Variants in LYAR observed in about 807,000 individuals in gnomAD.
LYAR encodes Ly1 antibody reactive, also known as cell growth-regulating nucleolar protein.
In LYAR, 37 loss-of-function variants were observed where a neutral mutation model predicts 45.2. The observed-to-expected ratio is 0.82, with a 90% CI of 0.63 to 1.08. The LOEUF (loss-of-function observed/expected upper bound fraction) is 1.08, where lower values mean the gene tolerates loss of function less well. LYAR is among the 50% of genes least tolerant of loss of function. The pLI is 0.00. For synonymous variants in LYAR, 176 were observed against 155.1 expected, an observed-to-expected ratio of 1.14 and a Z score of -1.00; for missense variants, 493 against 451.0, an observed-to-expected ratio of 1.09 and a Z score of -0.84.
At chr4:4,279,349 A>G in intron 6 of LYAR, 98 bp downstream of exon 6, 2 of 833,362 alleles carry the variant, frequency 2.4e-6, no homozygotes, top group South Asian at 3.4e-5. Flanking sequence ...TAAAAATAAA[A>G]AAGAAGGCTG....
intron 4 of LYAR, 43 bp from the exon 5 acceptor site, chr4:4,279,792 C>A: frequency 1.6e-6 from 2 of 1,287,864 alleles, no homozygotes; most frequent in South Asian, 1.3e-5. Flanking sequence ...AATAAACAAC[C>A]AACATGAGTT....
chr4:4,273,326 T>G (rs977683667), intron 8 of LYAR, among the ~76,000 whole-genome samples: 7 of 152,342 alleles, frequency 4.6e-5, no homozygotes, highest in Non-Finnish European at 4.4e-5. Context: ...AAGACCCTAC[T>G]AGAAGTGCCC....
chr4:4,280,385 G>A (rs1405608644), intron 4 of LYAR, among the ~76,000 whole-genome samples: 3 of 152,144 alleles, frequency 2.0e-5, no homozygotes, highest in Non-Finnish European at 4.4e-5. Context: ...AAAATCCAAT[G>A]TGTGTGTATA....
chr4:4,276,148 C>T lies in LYAR; in HGVS notation c.430-1379G>A, dbSNP rs1448797512. On this transcript the variant is annotated intron_variant, in intron 6 of 9. Transcript: ENST00000343470. The stretch of plus-strand genomic sequence containing the variant: ...TTGAACTGTTCCATGTTCCCTGATG[C>T]CTCTGGAGGGAAAGAGAGTGGCCAG... 1.3e-5 allele frequency among the ~76,000 whole-genome samples: 2 copies of T among 152,150 alleles called. 1 individual carries two copies. The highest frequency in any genetic ancestry group is 3.8e-4 in the East Asian group (2 of 5,200).
At chr4:4,268,355 T>C (rs1718794784) in intron 9 of LYAR, among the ~76,000 whole-genome samples, 175 bp downstream of exon 9, 1 of 152,116 alleles carries the variant, frequency 6.6e-6, no homozygotes, top group Non-Finnish European at 1.5e-5. Context: ...AAGCCCAAAA[T>C]CTAGGCACCA....
At chr4:4,283,924 T>A in intron 2 of LYAR, 129 bp from the exon 3 acceptor site, 1 of 539,028 alleles carries the variant, frequency 1.9e-6, no homozygotes, top group Admixed American at 3.3e-5. Context: ...GCAATCTACA[T>A]AAAATTCCAC....
At position 4,274,401 on chromosome 4, in the gene LYAR, C is replaced by G. The variant is rs765031975; in HGVS notation, c.798G>C (p.Val266=). 6.2e-7 allele frequency: 1 copy of G among 1,613,532 alleles called. No homozygotes were observed. The highest frequency in any genetic ancestry group is 1.1e-5 in the South Asian group (1 of 91,020). The change falls in exon 7 of 10, where the codon GTG becomes GTC. Residue 266 remains valine (V), a synonymous_variant. Coordinates refer to ENST00000343470, the MANE Select transcript of LYAR (RefSeq NM_017816.3). ...KDSASEEEAR[V]GAGKRKRRHS... ...GCCTCCGCTTCCTCTTCCCTGCGCC[C>G]ACGCGTGCCTCTTCCTCACTGGCGC...
rs1215627644 is a variant in LYAR, at chr4:4,283,801, GA to G, written c.-53-7del. Reference sequence around the variant, plus strand: ...GACAGGTTTTAAGTCTTGTCCTAAGGAAAAAAAGACAATTATAATTATAAAC... The same window carrying G: ...GACAGGTTTTAAGTCTTGTCCTAAGGAAAAAAGACAATTATAATTATAAAC... On this transcript the variant is annotated splice_region_variant and splice_polypyrimidine_tract_variant and intron_variant, in intron 2 of 9. Transcript: ENST00000343470. The G allele has an allele frequency of 2.2e-6, 3 of 1,353,772 alleles. No homozygotes were observed. The highest frequency in any genetic ancestry group is 1.5e-5 in the African/African-American group (1 of 68,764). The allele number at this position is 1,353,772 out of a possible 1,614,324, so 83.9% of individuals were successfully genotyped here.
At chr4:4,287,423 G>A (rs555735492) in intron 1 of LYAR, among the ~76,000 whole-genome samples, 4 of 152,286 alleles carry the variant, frequency 2.6e-5, no homozygotes, top group East Asian at 1.9e-4. Context: ...CTGCGTCTTC[G>A]TCTGTCTGTA....
At chr4:4,289,714 C>A (rs1719780256) in intron 1 of LYAR, 1 of 152,302 alleles carries the variant, frequency 6.6e-6, no homozygotes, top group Admixed American at 6.5e-5. Flanking sequence ...TCTTTAGGGA[C>A]TGATCTCCCA....
At chr4:4,287,413 C>T (rs1719660238) in intron 1 of LYAR, among the ~76,000 whole-genome samples, 1 of 152,206 alleles carries the variant, frequency 6.6e-6, no homozygotes, top group African/African-American at 2.4e-5. Flanking sequence ...GTGCTCCTGG[C>T]TGCGTCTTCG....
chr4:4,274,965 C>T (rs1202031634), intron 6 of LYAR, among the ~76,000 whole-genome samples, 196 bp from the exon 7 acceptor site: 1 of 152,202 alleles, frequency 6.6e-6, no homozygotes. Flanking sequence ...CCACTTCCCC[C>T]AGTCCACACC....
intron 8 of LYAR, among the ~76,000 whole-genome samples, chr4:4,269,798 A>T (rs1048573171): frequency 5.3e-5 from 8 of 152,202 alleles, no homozygotes; most frequent in African/African-American, 1.4e-4. Context: ...TTTAACATAG[A>T]CCTGAAATTT....
rs114867507 is a variant in LYAR at position 4,277,370 on chromosome 4, G to A, written c.429+2077C>T. On this transcript the variant is annotated intron_variant, in intron 6 of 9. Coordinates refer to ENST00000343470, the MANE Select transcript of LYAR (RefSeq NM_017816.3). Reference sequence around the variant, plus strand: ...CATAAAATATTATTTTAACCACTGAGAGCCTGAGACCCTGGCATCCCTTCT... The same window carrying A: ...CATAAAATATTATTTTAACCACTGAAAGCCTGAGACCCTGGCATCCCTTCT... Among the ~76,000 whole-genome samples, 931 of 152,202 alleles carry A rather than the reference G, an allele frequency of 6.1e-3. 15 individuals are homozygous for A. The highest frequency in any genetic ancestry group is 0.021 in the African/African-American group (886 of 41,524).
rs1316814705 is a variant in LYAR, at chr4:4,274,518, C to T, written c.681G>A (p.Gln227=). 1.9e-6 allele frequency: 3 copies of T among 1,614,220 alleles called. No individual in the cohort carries two copies. The highest frequency in any genetic ancestry group is 2.5e-6 in the Non-Finnish European group (3 of 1,180,030). Residue 227 remains glutamine (Q), a synonymous_variant, in exon 7 of 10, where the codon CAG becomes CAA. Transcript: ENST00000343470. Reference sequence around the variant, plus strand: ...CCCCACCAGCCTCAAGGTCAGCCTCCTGTCCCTTTTTGCGCTTCTTAGGCT... The same window carrying T: ...CCCCACCAGCCTCAAGGTCAGCCTCTTGTCCCTTTTTGCGCTTCTTAGGCT... ...NQKPKKRKKG[Q]EADLEAGGEE...
rs1406022207 is a variant in LYAR, at chr4:4,281,780, T to C, written c.237+3A>G. 2 of 1,610,544 alleles carry C rather than the reference T, an allele frequency of 1.2e-6. No individual in the cohort carries two copies. Among genetic ancestry groups the C allele is most frequent in the South Asian group, 1.1e-5 (1 of 90,990 alleles). On this transcript the variant is annotated splice_donor_region_variant and intron_variant, in intron 4 of 9. Transcript: ENST00000343470. ...GCTACTCAATGAGTTAGAGAGACGTTACCTGAATCCACGCCTGCTGTTTGA... is the reference window on the plus strand; with the variant it reads ...GCTACTCAATGAGTTAGAGAGACGTCACCTGAATCCACGCCTGCTGTTTGA...
At position 4,279,468 on chromosome 4, in the gene LYAR, G is replaced by A. The variant is rs763209438; in HGVS notation, c.408C>T (p.Ile136=). The A allele has an allele frequency of 6.2e-7, 1 of 1,611,902 alleles. No homozygotes were observed. Among genetic ancestry groups the A allele is most frequent in the Non-Finnish European group, 8.5e-7 (1 of 1,178,216 alleles). ...TTACGCTGTTGGAAGCTTCAGAAAA[G>A]ATATTCCACACCTGGTCCAGAATGG... is the stretch of plus-strand genomic sequence containing the variant. ...NESILDQVWN[I]FSEASNSEPV... Residue 136 remains isoleucine, a synonymous_variant, in exon 6 of 10, where the codon ATC becomes ATT. Coordinates refer to ENST00000343470, the MANE Select transcript of LYAR (RefSeq NM_017816.3).
rs188774496 is a variant in LYAR, at chr4:4,270,069, C to T, written c.920-1454G>A. ...CCTCCGTCACAAAATTTTAAAACTT[C>T]GCTGGGTGTGGTGGTGTGTACTCGT... On this transcript the variant is annotated intron_variant, in intron 8 of 9. Transcript: ENST00000343470. Among the ~76,000 whole-genome samples the T allele has an allele frequency of 1.6e-3, 245 of 151,970 alleles. 1 individual carries two copies. Among genetic ancestry groups the T allele is most frequent in the African/African-American group, 5.5e-3 (226 of 41,454 alleles).
intron 2 of LYAR, among the ~76,000 whole-genome samples, chr4:4,285,639 A>G (rs965531469): frequency 2.0e-5 from 3 of 152,238 alleles, no homozygotes; most frequent in African/African-American, 4.8e-5. Context: ...TATCTGCTGA[A>G]AAACGTTAAA....
Sources: allele counts gnomAD v4.1 joint callset (sites outside exome capture counted in the v4.1 genomes callset), GRCh38; gene constraint gnomAD v4.1.1; transcripts MANE v1.5; gene names NCBI Gene and HGNC (gene_info 2026-07-23, HGNC 2026-07-21).